The following ALMS1 variants were observed in gnomAD, a reference collection of about 807,000 sequenced individuals.
The protein encoded by ALMS1 is centrosome-associated protein ALMS1.
ALMS1 carries 271 observed loss-of-function variants against 352.2 expected under a neutral mutation model. That is an observed-to-expected ratio of 0.77 (90% CI 0.70 to 0.85). The LOEUF is 0.85. ALMS1 is among the 40% of genes least tolerant of loss of function. The pLI, the probability that ALMS1 is intolerant of heterozygous loss-of-function variation, is 0.00. For missense variants in ALMS1, 5,445 were observed against 4,870.7 expected, an observed-to-expected ratio of 1.12 and a Z score of -3.51; for synonymous variants, 1,865 against 1,761.2, an observed-to-expected ratio of 1.06 and a Z score of -1.48.
chr2:73,441,391 G>T (rs1349487658), intron 7 of ALMS1, among the ~76,000 whole-genome samples: 4 of 152,162 alleles, frequency 2.6e-5, no homozygotes, highest in African/African-American at 9.7e-5. Flanking sequence ...CTAGAGGACA[G>T]GGAGATGCCA....
At chr2:73,553,946 T>A (rs1322887542) in intron 13 of ALMS1, among the ~76,000 whole-genome samples, 2 of 152,160 alleles carry the variant, frequency 1.3e-5, no homozygotes, top group Non-Finnish European at 2.9e-5. Flanking sequence ...GTATAAAGCA[T>A]GTTATTAGGA....
intron 15 of ALMS1, among the ~76,000 whole-genome samples, 183 bp from the exon 16 acceptor site, chr2:73,572,079 G>T (rs902507509): frequency 6.6e-6 from 1 of 152,150 alleles, no homozygotes; most frequent in Non-Finnish European, 1.5e-5. Context: ...AACTTTTACT[G>T]TACCAGCGAG....
intron 12 of ALMS1, among the ~76,000 whole-genome samples, chr2:73,548,005 C>T (rs1442067249): frequency 6.6e-6 from 1 of 152,032 alleles, no homozygotes; most frequent in East Asian, 1.9e-4. Flanking sequence ...GCGTGAGCAA[C>T]TAGGTGAATA....
chr2:73,555,093 G>T lies in ALMS1; in HGVS notation c.10079-2127G>T, dbSNP rs183905934. Among the ~76,000 whole-genome samples, 14 of 152,248 alleles carry T rather than the reference G, an allele frequency of 9.2e-5. No individual in the cohort carries two copies. In the East Asian group the frequency reaches 2.7e-3, roughly 29 times the overall value. Reference sequence around the variant, plus strand: ...AATTAATTTCTAAATTAAATGCATTGCTACTCAGAATTCCAGTAGGATTTT... The same window carrying T: ...AATTAATTTCTAAATTAAATGCATTTCTACTCAGAATTCCAGTAGGATTTT... On this transcript the variant is annotated intron_variant, in intron 13 of 22. Transcript: ENST00000613296.
chr2:73,503,875 T>C (rs901509267), intron 10 of ALMS1, among the ~76,000 whole-genome samples: 3 of 152,186 alleles, frequency 2.0e-5, no homozygotes, highest in East Asian at 1.9e-4. Context: ...TTAGGCACCT[T>C]AATACCCCAA....
Position 73,449,280 on chromosome 2 carries a change from C to G in ALMS1, c.2753C>G (p.Ser918Cys), listed in dbSNP as rs369228801. 5 of 1,613,612 alleles carry G rather than the reference C, an allele frequency of 3.1e-6. No individual in the cohort carries two copies. The African/African-American group carries it at 5.3e-5, about 17-fold the overall frequency. ...CACAGAGAGAAGCCCATTATTTTTT[C>G]CCAGCAGACCCTGCCAGACTTTCTT... ...YSHREKPIIF[S>C]QQTLPDFLFP... The change falls in exon 8 of 23, where the codon TCC becomes TGC. Residue 918 changes from serine to cysteine, a missense_variant. By Grantham distance (112) the Ser-to-Cys change is moderately radical (BLOSUM62 -1). Transcript: ENST00000613296.
At chr2:73,529,877 A>T (rs1049156746) in intron 11 of ALMS1, among the ~76,000 whole-genome samples, 1 of 152,080 alleles carries the variant, frequency 6.6e-6, no homozygotes, top group South Asian at 2.1e-4. Flanking sequence ...AGAGAGTGAG[A>T]TCTCAGGGAT....
At chr2:73,457,833 G>C (rs960660292) in intron 9 of ALMS1, 1 of 151,608 alleles carries the variant, frequency 6.6e-6, no homozygotes, top group East Asian at 2.0e-4. Flanking sequence ...AGGAGTTCGA[G>C]ACCAGCCTGG....
At chr2:73,568,640 A>G (rs1014681618) in intron 15 of ALMS1, among the ~76,000 whole-genome samples, 6 of 152,210 alleles carry the variant, frequency 3.9e-5, no homozygotes, top group African/African-American at 1.2e-4. Context: ...AAGTGGAACT[A>G]GGAGGTTCAG....
chr2:73,526,624 G>GT (rs1433448998), intron 11 of ALMS1, among the ~76,000 whole-genome samples: 1 of 152,052 alleles, frequency 6.6e-6, no homozygotes, highest in Non-Finnish European at 1.5e-5. Context: ...ACTGATTTTT[G>GT]TATGTTCATT....
chr2:73,501,651 T>A (rs1572977899), intron 10 of ALMS1, among the ~76,000 whole-genome samples: 1 of 152,160 alleles, frequency 6.6e-6, no homozygotes, highest in East Asian at 1.9e-4. Flanking sequence ...CTTTGTTCTT[T>A]TTATTTATCT....
chr2:73,604,807 A>T (rs1479090958), intron 21 of ALMS1, among the ~76,000 whole-genome samples: 1 of 152,190 alleles, frequency 6.6e-6, no homozygotes, highest in Non-Finnish European at 1.5e-5. Context: ...GGCTATTTGC[A>T]CTGATGATGC....
intron 1 of ALMS1, among the ~76,000 whole-genome samples, chr2:73,394,129 C>T (rs530886447): frequency 1.4e-4 from 21 of 151,588 alleles, no homozygotes; most frequent in African/African-American, 5.1e-4. Flanking sequence ...CTAGGAGACA[C>T]TCTTTTGATT....
chr2:73,422,239 A>G (rs1379513522), intron 3 of ALMS1, among the ~76,000 whole-genome samples: 1 of 152,130 alleles, frequency 6.6e-6, no homozygotes, highest in Non-Finnish European at 1.5e-5. Context: ...CAAGACTCTC[A>G]TGTCTGTTTC....
chr2:73,548,558 G>A (rs939230005), intron 12 of ALMS1, among the ~76,000 whole-genome samples: 3 of 152,320 alleles, frequency 2.0e-5, no homozygotes, highest in South Asian at 2.1e-4. Context: ...CAGACTGTGC[G>A]TGCACATGCT....
intron 11 of ALMS1, among the ~76,000 whole-genome samples, chr2:73,529,039 GTTT>G (rs34604396): frequency 2.0e-4 from 20 of 99,506 alleles, no homozygotes; most frequent in African/African-American, 8.0e-4. Flanking sequence ...CCTCAAAGCA[GTTT>G]TTTTTTTTTT....
chr2:73,424,471 G>A lies in ALMS1; in HGVS notation c.806G>A (p.Arg269Gln), dbSNP rs776946280. 7.5e-6 allele frequency: 12 copies of A among 1,601,540 alleles called. No individual in the cohort carries two copies. Among genetic ancestry groups the A allele is most frequent in the Admixed American group, 3.5e-5 (2 of 57,870 alleles). Residue 269 changes from arginine (R) to glutamine (Q), a missense_variant, in exon 5 of 23, where the codon CGA becomes CAA. Physicochemically the swap from Arg to Gln is conservative, Grantham distance 43. Transcript: ENST00000613296. ...DKSEDTEWSS[R>Q]PSEVSEALFQ... ...TCTGAAGATACTGAATGGTCTTCTC[G>A]ACCATCGGAAGTTAGTGAAGCTTTA...
chr2:73,537,077 A>G (rs1238552498), intron 12 of ALMS1, among the ~76,000 whole-genome samples: 1 of 152,200 alleles, frequency 6.6e-6, no homozygotes, highest in Non-Finnish European at 1.5e-5. Flanking sequence ...TCCACACAAA[A>G]GGCTTATCTT....
intron 16 of ALMS1, among the ~76,000 whole-genome samples, chr2:73,576,201 T>G (rs1411082760): frequency 2.6e-5 from 4 of 152,202 alleles, no homozygotes; most frequent in Non-Finnish European, 5.9e-5. Context: ...TACTGCACTG[T>G]TTTGATTTAC....
Sources: allele counts gnomAD v4.1 joint callset (sites outside exome capture counted in the v4.1 genomes callset), GRCh38; gene constraint gnomAD v4.1.1; transcripts MANE v1.5; gene names NCBI Gene and HGNC (gene_info 2026-07-23, HGNC 2026-07-21).